The following SORL1 variants were observed in gnomAD, a reference collection of about 807,000 sequenced individuals.
The protein encoded by SORL1 is sortilin related receptor 1.
In SORL1, 127 loss-of-function variants were observed where a neutral mutation model predicts 273.7. The observed-to-expected ratio is 0.46, with a 90% confidence interval of 0.40 to 0.54. SORL1 has a LOEUF of 0.54. SORL1 is among the 20% of genes least tolerant of loss of function. SORL1 has a pLI of 0.00. For missense variants in SORL1, 2,494 were observed against 2,846.1 expected (o/e 0.88, Z 2.81); for synonymous variants, 1,031 against 1,067.4 (o/e 0.97, Z 0.66).
At chr11:121,587,757 A>C (rs562688055) in intron 27 of SORL1, among the ~76,000 whole-genome samples, 10 of 152,326 alleles carry the variant, frequency 6.6e-5, no homozygotes, top group Admixed American at 6.5e-4. Context: ...CTCTTGGCAA[A>C]ATACTTAATG....
chr11:121,593,001 C>T (rs1210929275), intron 31 of SORL1, among the ~76,000 whole-genome samples: 1 of 152,172 alleles, frequency 6.6e-6, no homozygotes, highest in Non-Finnish European at 1.5e-5. Flanking sequence ...ATCTGTAGCT[C>T]GTGGATCTTC....
chr11:121,480,746 G>A lies in SORL1; in HGVS notation c.528+2503G>A, dbSNP rs372816962. On this transcript the variant is annotated intron_variant, in intron 3 of 47. Coordinates refer to ENST00000260197, the MANE Select transcript of SORL1 (RefSeq NM_003105.6). Reference sequence around the variant, plus strand: ...CTCCCCTAGTGCACAGATACCTATAGGCAAGCTCCATCTCCTCCTCCCCAG... The same window carrying A: ...CTCCCCTAGTGCACAGATACCTATAAGCAAGCTCCATCTCCTCCTCCCCAG... Among the ~76,000 whole-genome samples the A allele has an allele frequency of 1.0e-3, 51 of 48,906 alleles. No individual in the cohort carries two copies. Among genetic ancestry groups the A allele is most frequent in the African/African-American group, 2.5e-3 (32 of 12,772 alleles). The allele number at this position is 48,906 out of a possible 152,430, so 32.1% of individuals were successfully genotyped here. A position where few individuals can be genotyped will look rare whatever the true frequency, so the allele number is the denominator to read the frequency against.
intron 12 of SORL1, 47 bp downstream of exon 12, chr11:121,532,599 A>C: frequency 6.8e-7 from 1 of 1,470,766 alleles, no homozygotes; most frequent in South Asian, 1.2e-5. Flanking sequence ...TTCTCCCAGA[A>C]ATTTACGTCT....
chr11:121,597,713 G>A (rs545496307), intron 32 of SORL1, among the ~76,000 whole-genome samples: 1 of 152,288 alleles, frequency 6.6e-6, no homozygotes, highest in East Asian at 1.9e-4. Flanking sequence ...GCCCACCTTG[G>A]CCTCCCAAAG....
chr11:121,511,175 T>A (rs1408928112), intron 6 of SORL1, among the ~76,000 whole-genome samples: 16 of 152,208 alleles, frequency 1.1e-4, no homozygotes, highest in Admixed American at 9.8e-4. Context: ...ATCGATGCAT[T>A]TTGAGATTTT....
intron 43 of SORL1, 98 bp from the exon 44 acceptor site, chr11:121,620,966 C>G: frequency 1.2e-6 from 1 of 857,084 alleles, no homozygotes; most frequent in Non-Finnish European, 1.8e-6. Flanking sequence ...TGCTGTGGGT[C>G]CCAGCTATTA....
chr11:121,551,366 ACTT>A (rs940015349), intron 16 of SORL1, among the ~76,000 whole-genome samples: 1 of 152,124 alleles, frequency 6.6e-6, no homozygotes, highest in African/African-American at 2.4e-5. Context: ...ATTAAGAAAA[ACTT>A]CTCTGAAATG....
At chr11:121,612,681 T>C (rs1175381930) in intron 39 of SORL1, 55 bp from the exon 40 acceptor site, 1 of 1,271,062 alleles carries the variant, frequency 7.9e-7, no homozygotes, top group Non-Finnish European at 1.2e-6. Flanking sequence ...GCCTTTTGTA[T>C]TTAGTGTGCC....
Position 121,619,835 on chromosome 11 carries a change from G to A in SORL1, c.5807G>A (p.Arg1936His), listed in dbSNP as rs749176718. The A allele has an allele frequency of 3.0e-5, 49 of 1,613,846 alleles. No individual in the cohort carries two copies. The highest frequency in any genetic ancestry group is 3.1e-5 in the Non-Finnish European group (37 of 1,179,852). The part of the protein sequence containing the change: ...KMIPDSRLPP[R>H]HLHVVHTGKT... ...ATCCCGGACAGCAGGCTTCCACCCC[G>A]TCACCTGCATGTGGTTCATACGGGC... is the stretch of plus-strand genomic sequence containing the variant. Residue 1936 changes from arginine to histidine, a missense_variant, in exon 43 of 48, where the codon CGT becomes CAT. Arg to His is a conservative substitution (Grantham distance 29). Around this residue, in one of 3 missense-constraint regions of SORL1, gnomAD observed 1,609 missense variants for 1,816.4 expected, o/e 0.89. Coordinates refer to ENST00000260197, the MANE Select transcript of SORL1 (RefSeq NM_003105.6).
chr11:121,620,460 G>A (rs1430474300), intron 43 of SORL1, among the ~76,000 whole-genome samples: 1 of 151,926 alleles, frequency 6.6e-6, no homozygotes, highest in Non-Finnish European at 1.5e-5. Context: ...TTTTTTCCTT[G>A]CTCTGGGTTG....
chr11:121,575,432 G>A (rs1361060358), intron 24 of SORL1, among the ~76,000 whole-genome samples: 3 of 152,242 alleles, frequency 2.0e-5, no homozygotes, highest in African/African-American at 7.2e-5. Context: ...ATGAGTTGGC[G>A]GGGCCCTACT....
chr11:121,620,073 G>A (rs1863700665), intron 43 of SORL1, among the ~76,000 whole-genome samples, 156 bp downstream of exon 43: 1 of 152,160 alleles, frequency 6.6e-6, no homozygotes, highest in African/African-American at 2.4e-5. Flanking sequence ...ACCAAAGATG[G>A]GGTCCGTACA....
intron 3 of SORL1, among the ~76,000 whole-genome samples, chr11:121,480,799 A>C (rs112351239): frequency 9.6e-4 from 70 of 73,032 alleles, no homozygotes; most frequent in African/African-American, 1.2e-3. Context: ...AGATACCTAT[A>C]GGCAAGCTCC....
intron 5 of SORL1, among the ~76,000 whole-genome samples, chr11:121,493,367 C>T (rs1861584086): frequency 6.6e-6 from 1 of 152,168 alleles, no homozygotes; most frequent in Admixed American, 6.5e-5. Flanking sequence ...AGTGATTCTC[C>T]TGTCTCAGTC....
chr11:121,467,034 T>TTC (rs1565301728), intron 1 of SORL1, among the ~76,000 whole-genome samples: 1 of 145,480 alleles, frequency 6.9e-6, no homozygotes, highest in African/African-American at 2.6e-5. Context: ...TTTTTTCTTT[T>TTC]TTTTTTTTTT....
rs1363611420 is a variant in SORL1 at position 121,595,913 on chromosome 11, C to T, written c.4519+141C>T. ...CGTAACCATGCTCTTACTGCATTCT[C>T]CACAAGCGCTTTGCCACGTGCACCC... On this transcript the variant is annotated intron_variant, in intron 32 of 47. Transcript: ENST00000260197. This position sits in a 1 kb window ranked among gnomAD's most constrained non-coding sequence, Gnocchi z 5.1. 1 of 889,584 alleles carries T rather than the reference C, an allele frequency of 1.1e-6. No individual in the cohort carries two copies. Among genetic ancestry groups the T allele is most frequent in the Non-Finnish European group, 1.6e-6 (1 of 610,216 alleles). 55.1% of individuals were successfully genotyped at this position (889,584 alleles called of 1,614,324 possible).
chr11:121,627,850 T>C lies in SORL1; in HGVS notation c.6577+83T>C. On this transcript the variant is annotated intron_variant, in intron 47 of 47. Coordinates refer to ENST00000260197, the MANE Select transcript of SORL1 (RefSeq NM_003105.6). The surrounding 1 kb of genome is among the most constrained non-coding windows in gnomAD (Gnocchi z 4.9). ...TGACTTGATTAGGAAACACCCACCT[T>C]CAGCTCCTCTTTTGACCCTGGAGGA... The C allele has an allele frequency of 1.1e-6, 1 of 913,534 alleles. No homozygotes were observed. Among genetic ancestry groups the C allele is most frequent in the East Asian group, 2.5e-5 (1 of 39,422 alleles). 56.6% of individuals were successfully genotyped at this position (913,534 alleles called of 1,614,324 possible). A position where few individuals can be genotyped will look rare whatever the true frequency, so the allele number is the denominator to read the frequency against.
At chr11:121,539,008 C>G (rs865993787) in intron 12 of SORL1, among the ~76,000 whole-genome samples, 7 of 152,160 alleles carry the variant, frequency 4.6e-5, no homozygotes, top group Non-Finnish European at 1.0e-4. Flanking sequence ...ATACAATTAG[C>G]CTTTTACCCT....
chr11:121,510,138 A>G (rs1861854405), intron 6 of SORL1, among the ~76,000 whole-genome samples: 1 of 152,256 alleles, frequency 6.6e-6, no homozygotes, highest in Non-Finnish European at 1.5e-5. Context: ...TGTCTAAGAT[A>G]CATTGCCAAT....
Sources: allele counts gnomAD v4.1 joint callset (sites outside exome capture counted in the v4.1 genomes callset), GRCh38; gene constraint gnomAD v4.1.1; regional missense constraint gnomAD v4.1.1; non-coding constraint Gnocchi (gnomAD v3.1); transcripts MANE v1.5; gene names NCBI Gene and HGNC (gene_info 2026-07-23, HGNC 2026-07-21).